The following NUP153 variants were observed in gnomAD, a reference collection of about 807,000 sequenced individuals.
NUP153 encodes nucleoporin 153, also known as nuclear pore complex protein Nup153.
Under a neutral mutation model 134.6 loss-of-function variants are expected in NUP153, and 27 were observed. That is an observed-to-expected ratio of 0.20 (90% CI 0.15 to 0.28). The LOEUF is 0.28. Among genes scored for constraint, NUP153 ranks in the 10% least tolerant of loss-of-function variants. The pLI is 1.00. For synonymous variants in NUP153, 640 were observed against 623.5 expected, an observed-to-expected ratio of 1.03 and a Z score of -0.40; for missense variants, 1,821 against 1,731.3, an observed-to-expected ratio of 1.05 and a Z score of -0.92.
chr6:17,701,844 G>GGGGGGGGGA (rs1554148666), intron 1 of NUP153, among the ~76,000 whole-genome samples: 2 of 81,706 alleles, frequency 2.4e-5, no homozygotes, highest in Non-Finnish European at 5.2e-5. Context: ...GGGGGGGGGG[G>GGGGGGGGGA]AAAAAAGCTA....
In NUP153 at chr6:17,668,965, G is replaced by A. The variant is rs375177320; in HGVS notation, c.1068+10C>T. 1.6e-5 allele frequency: 24 copies of A among 1,515,662 alleles called. No homozygotes were observed. The highest frequency in any genetic ancestry group is 1.0e-4 in the African/African-American group (7 of 68,890). 93.9% of individuals were successfully genotyped at this position (1,515,662 alleles called of 1,614,324 possible). A position where few individuals can be genotyped will look rare whatever the true frequency, so the allele number is the denominator to read the frequency against. On this transcript the variant is annotated intron_variant, in intron 8 of 21. Coordinates refer to ENST00000262077, the MANE Select transcript of NUP153 (RefSeq NM_005124.4). ...ACAGTTTAAATAACTAAATGCTAAA[G>A]AAGTTTTACCTTTTCTCTTTTGGCC...
chr6:17,706,675 G>A lies in NUP153; in HGVS notation c.-288C>T. ...CTGTGTGTGTCACGGTCTCTATGGA[G>A]ATCTCCCGCAGAGGACAGCACGAAC... On this transcript the variant is annotated 5_prime_UTR_variant, in exon 1 of 22. Transcript: ENST00000262077. This position sits in a 1 kb window ranked among gnomAD's most constrained non-coding sequence, Gnocchi z 5.9. The A allele has an allele frequency of 4.1e-6, 2 of 492,078 alleles. No homozygotes were observed. Among genetic ancestry groups the A allele is most frequent in the Non-Finnish European group, 7.3e-6 (2 of 275,304 alleles). 30.5% of individuals were successfully genotyped at this position (492,078 alleles called of 1,614,324 possible).
intron 1 of NUP153, among the ~76,000 whole-genome samples, chr6:17,699,520 C>A (rs1364606662): frequency 1.4e-5 from 2 of 147,210 alleles, no homozygotes; most frequent in African/African-American, 5.0e-5. Context: ...TAATTACAAT[C>A]TTTGCAATAC....
At chr6:17,626,501 T>C (rs1764957817) in intron 18 of NUP153, among the ~76,000 whole-genome samples, 1 of 152,208 alleles carries the variant, frequency 6.6e-6, no homozygotes, top group Non-Finnish European at 1.5e-5. Context: ...CTTTTATATG[T>C]TTTATTTTGC....
intron 8 of NUP153, among the ~76,000 whole-genome samples, chr6:17,668,169 G>A (rs972779527): frequency 2.0e-5 from 3 of 148,228 alleles, no homozygotes; most frequent in East Asian, 2.2e-4. Context: ...TCCGCCTCCC[G>A]GGTTCAAGTG....
intron 11 of NUP153, among the ~76,000 whole-genome samples, chr6:17,654,274 A>T (rs1414144481): frequency 2.0e-5 from 3 of 152,146 alleles, no homozygotes; most frequent in African/African-American, 7.2e-5. Flanking sequence ...CCAACTCCTT[A>T]AGGCACACAC....
In NUP153 at chr6:17,633,681, G is replaced by A. The variant is rs1272540561; in HGVS notation, c.2465-837C>T. On this transcript the variant is annotated intron_variant, in intron 16 of 21. Coordinates refer to ENST00000262077, the MANE Select transcript of NUP153 (RefSeq NM_005124.4). Reference sequence around the variant, plus strand: ...AAACTAGCATGTTTGTGGGAGAGGTGGCACAGGAAGAACGGCTTGGTAAGG... The same window carrying A: ...AAACTAGCATGTTTGTGGGAGAGGTAGCACAGGAAGAACGGCTTGGTAAGG... Among the ~76,000 whole-genome samples, 5 of 152,288 alleles carry A rather than the reference G, an allele frequency of 3.3e-5. No individual in the cohort carries two copies. The East Asian group carries it at 9.6e-4, about 29-fold the overall frequency.
intron 20 of NUP153, among the ~76,000 whole-genome samples, chr6:17,618,118 T>C (rs1202227900): frequency 6.6e-6 from 1 of 152,210 alleles, no homozygotes; most frequent in Non-Finnish European, 1.5e-5. Flanking sequence ...TGGATGCATC[T>C]TCTTTGGGGT....
intron 18 of NUP153, among the ~76,000 whole-genome samples, chr6:17,627,933 A>C (rs1765025181): frequency 6.6e-6 from 1 of 152,120 alleles, no homozygotes. Flanking sequence ...TTCTTCTGTC[A>C]CTTCTTTGAT....
chr6:17,683,944 T>C (rs780013319), intron 2 of NUP153, among the ~76,000 whole-genome samples: 1 of 152,140 alleles, frequency 6.6e-6, no homozygotes, highest in Non-Finnish European at 1.5e-5. Context: ...CTTTGGGTCA[T>C]GGGGGCAGAT....
intron 1 of NUP153, among the ~76,000 whole-genome samples, chr6:17,690,619 G>A (rs180808978): frequency 2.0e-4 from 31 of 152,150 alleles, no homozygotes; most frequent in Admixed American, 8.5e-4. Flanking sequence ...TAAGGTAACC[G>A]ATTTTAGGCA....
Position 17,681,519 on chromosome 6 carries a change from T to C in NUP153, c.335-5749A>G, listed in dbSNP as rs200208320. Reference sequence around the variant, plus strand: ...AGAGTGGCGTGAACCCAGATGGAGGTTGCAGTGAGCTGAGATCATGCCACT... The same window carrying C: ...AGAGTGGCGTGAACCCAGATGGAGGCTGCAGTGAGCTGAGATCATGCCACT... On this transcript the variant is annotated intron_variant, in intron 2 of 21. Coordinates refer to ENST00000262077, the MANE Select transcript of NUP153 (RefSeq NM_005124.4). Among the ~76,000 whole-genome samples the C allele has an allele frequency of 2.2e-4, 33 of 151,824 alleles. 1 individual carries two copies. The East Asian group carries it at 5.5e-3, about 25-fold the overall frequency.
chr6:17,669,035 A>C lies in NUP153; in HGVS notation c.1015-7T>G. 3 of 1,508,232 alleles carry C rather than the reference A, an allele frequency of 2.0e-6. No individual in the cohort carries two copies. Among genetic ancestry groups the C allele is most frequent in the Non-Finnish European group, 2.7e-6 (3 of 1,130,168 alleles). The allele number at this position is 1,508,232 out of a possible 1,614,324, so 93.4% of individuals were successfully genotyped here. ...TCCCACTCCTATCAAGAGGCTGAAA[A>C]AAAAAAAAAACACTATTAGAATAGA... On this transcript the variant is annotated splice_polypyrimidine_tract_variant and splice_region_variant and intron_variant, in intron 7 of 21. Coordinates refer to ENST00000262077, the MANE Select transcript of NUP153 (RefSeq NM_005124.4).
At chr6:17,682,677 G>A (rs1429259073) in intron 2 of NUP153, among the ~76,000 whole-genome samples, 3 of 152,048 alleles carry the variant, frequency 2.0e-5, no homozygotes, top group Non-Finnish European at 4.4e-5. Context: ...CCAGCACTTC[G>A]GGAGGCTGAG....
rs143165674 is a variant in NUP153, at chr6:17,652,344, A to C, written c.1396-3044T>G. On this transcript the variant is annotated intron_variant, in intron 11 of 21. Transcript: ENST00000262077. ...AAGTCATAATCTCAATCTTTTTCTA[A>C]TCACAATGAAATTATATTAGAAATC... 1.1e-4 allele frequency among the ~76,000 whole-genome samples: 17 copies of C among 152,308 alleles called. No homozygotes were observed. In the East Asian group the frequency reaches 3.3e-3, roughly 29 times the overall value.
chr6:17,673,010 C>T (rs1581740760), intron 5 of NUP153, among the ~76,000 whole-genome samples: 1 of 152,022 alleles, frequency 6.6e-6, no homozygotes, highest in African/African-American at 2.4e-5. Flanking sequence ...AGATACGACA[C>T]CAAAAGCATG....
Position 17,624,945 on chromosome 6 carries a change from T to C in NUP153, c.3902-112A>G, listed in dbSNP as rs569403545. The C allele has an allele frequency of 3.3e-5, 33 of 1,014,046 alleles. No individual in the cohort carries two copies. In the East Asian group the frequency reaches 8.2e-4, roughly 25 times the overall value. 62.8% of individuals were successfully genotyped at this position (1,014,046 alleles called of 1,614,324 possible). A position where few individuals can be genotyped will look rare whatever the true frequency, so the allele number is the denominator to read the frequency against. ...TCAAGCTTCGTTTCAGACTCTTACC[T>C]TGCTAACCAAATTCCATCAAGACAA... On this transcript the variant is annotated intron_variant, in intron 19 of 21. Coordinates refer to ENST00000262077, the MANE Select transcript of NUP153 (RefSeq NM_005124.4).
chr6:17,677,730 TC>T (rs1768305886), intron 2 of NUP153, among the ~76,000 whole-genome samples: 1 of 108,780 alleles, frequency 9.2e-6, no homozygotes. Flanking sequence ...ATTTTTTTTT[TC>T]CTTTTTTTTT....
intron 2 of NUP153, among the ~76,000 whole-genome samples, chr6:17,686,689 GA>G (rs547444412): frequency 4.5e-4 from 65 of 144,396 alleles, no homozygotes; most frequent in African/African-American, 1.4e-3. Flanking sequence ...TAAAAGTTAA[GA>G]AAAAAAAACA....
Sources: allele counts gnomAD v4.1 joint callset (sites outside exome capture counted in the v4.1 genomes callset), GRCh38; gene constraint gnomAD v4.1.1; non-coding constraint Gnocchi (gnomAD v3.1); transcripts MANE v1.5; gene names NCBI Gene and HGNC (gene_info 2026-07-23, HGNC 2026-07-21).